The following DLC1 variants were observed in gnomAD, a reference collection of about 807,000 sequenced individuals.
The protein encoded by DLC1 is DLC1 Rho GTPase activating protein.
Under a neutral mutation model 140.3 loss-of-function variants are expected in DLC1, and 54 were observed. The ratio of observed to expected loss-of-function variants is 0.38; its 90% CI spans 0.31 to 0.48. The LOEUF (loss-of-function observed/expected upper bound fraction) is 0.48, where lower values mean the gene tolerates loss of function less well. Ranked by LOEUF, DLC1 falls within the 20% of genes least tolerant of loss-of-function variation. The pLI is 0.96. For missense variants in DLC1, 2,536 were observed against 1,907.0 expected (o/e 1.33, Z -6.14); for synonymous variants, 986 against 728.1 (o/e 1.35, Z -5.70).
chr8:13,254,722 G>C (rs1469543208), intron 5 of DLC1, among the ~76,000 whole-genome samples: 1 of 149,782 alleles, frequency 6.7e-6, no homozygotes, highest in Non-Finnish European at 1.5e-5. Flanking sequence ...TCTGAGAGTA[G>C]GGAAAGGGTA....
chr8:13,085,869 T>A lies in DLC1; in HGVS notation c.4529A>T (p.Lys1510Met). The A allele has an allele frequency of 6.2e-7, 1 of 1,614,180 alleles. No homozygotes were observed. The highest frequency in any genetic ancestry group is 8.5e-7 in the Non-Finnish European group (1 of 1,180,034). ...CTGGTTACTGAAGGAATCCCGGATCTTTACAACTTCAGCTGCACACAAATG... is the reference window on the plus strand; with the variant it reads ...CTGGTTACTGAAGGAATCCCGGATCATTACAACTTCAGCTGCACACAAATG... The part of the protein sequence containing the change: ...FGHLCAAEVV[K>M]IRDSFSNQNT... The change falls in exon 18 of 18, where the codon AAG becomes ATG. Residue 1510 changes from lysine (K) to methionine (M), a missense_variant. Coordinates refer to ENST00000276297, the MANE Select transcript of DLC1 (RefSeq NM_182643.3).
At chr8:13,585,471 G>A (rs185001711) in intron 1 of DLC1, among the ~76,000 whole-genome samples, 3 of 152,264 alleles carry the variant, frequency 2.0e-5, no homozygotes, top group Non-Finnish European at 4.4e-5. Context: ...CCACAGGGTA[G>A]CAGCCCTATA....
In DLC1 at chr8:13,474,830, C is replaced by T. The variant is rs151117354; in HGVS notation, c.1023+24219G>A. 5.5e-3 allele frequency among the ~76,000 whole-genome samples: 837 copies of T among 152,338 alleles called. 9 individuals are homozygous for T. In the South Asian group the frequency reaches 0.057, roughly 10 times the overall value. ...CTCCCATTTGGAATGGCAGCATTTA[C>T]CCAATGCCTGAATCCTCATTGTATC... On this transcript the variant is annotated intron_variant, in intron 2 of 17. Transcript: ENST00000276297.
rs80349468 is a variant in DLC1, at chr8:13,211,241, A to G, written c.1348+94028T>C. 6.8e-3 allele frequency among the ~76,000 whole-genome samples: 1,034 copies of G among 152,292 alleles called. 4 individuals carry two copies. Among genetic ancestry groups the G allele is most frequent in the Non-Finnish European group, 0.012 (795 of 68,018 alleles). The stretch of plus-strand genomic sequence containing the variant: ...GTGAATAATACGCTTCTTACTTAGC[A>G]TATAGTTAAAAGTGAGCATAAATAT... On this transcript the variant is annotated intron_variant, in intron 5 of 17. Coordinates refer to ENST00000276297, the MANE Select transcript of DLC1 (RefSeq NM_182643.3).
At chr8:13,505,486 C>G (rs185484284) in intron 1 of DLC1, among the ~76,000 whole-genome samples, 2 of 152,210 alleles carry the variant, frequency 1.3e-5, no homozygotes, top group East Asian at 3.9e-4. Context: ...TTTCAGAATT[C>G]ATGCTAAAAA....
intron 5 of DLC1, among the ~76,000 whole-genome samples, chr8:13,219,916 G>A (rs750040028): frequency 4.6e-5 from 7 of 152,080 alleles, no homozygotes; most frequent in East Asian, 1.9e-4. Context: ...AAAACAATGC[G>A]ACACAGAAGG....
chr8:13,400,829 A>G (rs1285572700), intron 3 of DLC1, among the ~76,000 whole-genome samples: 1 of 152,174 alleles, frequency 6.6e-6, no homozygotes, highest in African/African-American at 2.4e-5. Context: ...CTGATAGTAA[A>G]TATGTAAAGC....
At chr8:13,252,141 T>C (rs1830033894) in intron 5 of DLC1, among the ~76,000 whole-genome samples, 1 of 152,192 alleles carries the variant, frequency 6.6e-6, no homozygotes, top group Non-Finnish European at 1.5e-5. Flanking sequence ...TTGTCCTAAG[T>C]AACATTTTGA....
chr8:13,300,596 C>A (rs904897361), intron 5 of DLC1, among the ~76,000 whole-genome samples: 1 of 152,084 alleles, frequency 6.6e-6, no homozygotes, highest in Non-Finnish European at 1.5e-5. Context: ...TCACATTGGT[C>A]GGCCTCCCAG....
intron 2 of DLC1, among the ~76,000 whole-genome samples, chr8:13,422,904 A>G (rs1449419322): frequency 6.6e-6 from 1 of 152,124 alleles, no homozygotes; most frequent in East Asian, 1.9e-4. Flanking sequence ...CTTCATAGAG[A>G]AGACAATTAC....
At chr8:13,379,960 A>G (rs978893895) in intron 4 of DLC1, among the ~76,000 whole-genome samples, 1 of 152,188 alleles carries the variant, frequency 6.6e-6, no homozygotes, top group African/African-American at 2.4e-5. Context: ...ACACATAGAC[A>G]CAGGGAGGGG....
At chr8:13,330,969 GA>G (rs982910058) in intron 4 of DLC1, among the ~76,000 whole-genome samples, 1 of 151,762 alleles carries the variant, frequency 6.6e-6, no homozygotes, top group Non-Finnish European at 1.5e-5. Context: ...ACATGAAGAG[GA>G]AAAAAAATAA....
intron 4 of DLC1, among the ~76,000 whole-genome samples, chr8:13,355,998 G>A (rs1237558842): frequency 7.0e-6 from 1 of 142,578 alleles, no homozygotes; most frequent in Non-Finnish European, 1.5e-5. Context: ...GCAGAGGCAG[G>A]AGAATGGCAT....
intron 3 of DLC1, among the ~76,000 whole-genome samples, chr8:13,394,776 A>C (rs1238540199): frequency 6.6e-6 from 1 of 152,064 alleles, no homozygotes; most frequent in Non-Finnish European, 1.5e-5. Context: ...ATTTCTTTTA[A>C]TACAGTAAGC....
intron 4 of DLC1, 67 bp from the exon 5 acceptor site, chr8:13,305,369 A>G: frequency 2.0e-6 from 3 of 1,490,206 alleles, no homozygotes; most frequent in Non-Finnish European, 2.7e-6. Flanking sequence ...CATTAGAAAT[A>G]AAACGAAGTG....
chr8:13,527,736 G>C (rs1315592032), intron 1 of DLC1, among the ~76,000 whole-genome samples: 2 of 152,030 alleles, frequency 1.3e-5, no homozygotes, highest in Admixed American at 1.3e-4. Context: ...ATCTGGTCAA[G>C]GTCCAGAGAA....
intron 1 of DLC1, among the ~76,000 whole-genome samples, chr8:13,506,608 TACAC>T (rs1554534372): frequency 7.3e-5 from 10 of 137,890 alleles, no homozygotes; most frequent in Admixed American, 2.2e-4. Context: ...TATATATATA[TACAC>T]ATATATATAC....
chr8:13,410,988 C>A (rs760736059), intron 2 of DLC1, among the ~76,000 whole-genome samples: 16 of 152,226 alleles, frequency 1.1e-4, no homozygotes, highest in Non-Finnish European at 2.4e-4. Context: ...AAAAAATGAA[C>A]CCACCTGCAG....
Position 13,088,603 on chromosome 8 carries a change from C to T in DLC1, c.4176G>A (p.Trp1392Ter), listed in dbSNP as rs1817769395. 1 of 1,613,996 alleles carries T rather than the reference C, an allele frequency of 6.2e-7. No homozygotes were observed. ...CTTTTGAATCCAACAGGTCTACATC[C>T]CAGAGGTGCTGTTCTTTAAGTAGGC... Reference protein sequence around the residue: ...LKRLLKEQHLWDVDLLDSKVI... With the variant: ...LKRLLKEQHL The change falls in exon 16 of 18, where the codon TGG becomes TGA. Residue 1392 changes from tryptophan to a stop codon, truncating the protein, a stop_gained. Transcript: ENST00000276297. LOFTEE classifies it high-confidence loss of function.
Sources: allele counts gnomAD v4.1 joint callset (sites outside exome capture counted in the v4.1 genomes callset), GRCh38; gene constraint gnomAD v4.1.1; transcripts MANE v1.5; gene names NCBI Gene and HGNC (gene_info 2026-07-23, HGNC 2026-07-21).